SERGEF: variants seen among roughly 807,000 people sequenced by gnomAD.
SERGEF encodes the protein secretion-regulating guanine nucleotide exchange factor.
In SERGEF, 51 loss-of-function variants were observed where a neutral mutation model predicts 50.0. The ratio of observed to expected loss-of-function variants is 1.02; its 90% CI spans 0.81 to 1.29. The LOEUF (loss-of-function observed/expected upper bound fraction) is 1.29, where lower values mean the gene tolerates loss of function less well. Ranked by LOEUF, SERGEF falls within the 50% of genes most tolerant of loss-of-function variation. The pLI, the probability that SERGEF is intolerant of heterozygous loss-of-function variation, is 0.00. For synonymous variants in SERGEF, 205 were observed against 212.4 expected, an observed-to-expected ratio of 0.97 and a Z score of 0.30; for missense variants, 521 against 557.0, an observed-to-expected ratio of 0.94 and a Z score of 0.65.
chr11:17,858,944 T>A (rs1267054550), intron 10 of SERGEF, among the ~76,000 whole-genome samples: 3 of 152,044 alleles, frequency 2.0e-5, no homozygotes, highest in African/African-American at 7.2e-5. Context: ...GGAGAATAAA[T>A]ACCCTGACCT....
intron 8 of SERGEF, among the ~76,000 whole-genome samples, chr11:17,985,225 T>C (rs1196128890): frequency 4.6e-5 from 7 of 152,208 alleles, no homozygotes; most frequent in Non-Finnish European, 7.3e-5. Context: ...TTTACTTACA[T>C]ACCCCAGGCA....
intron 9 of SERGEF, among the ~76,000 whole-genome samples, chr11:17,916,637 T>C (rs1003091762): frequency 4.6e-5 from 7 of 152,196 alleles, no homozygotes; most frequent in African/African-American, 1.7e-4. Context: ...AGTGAAACTA[T>C]ATAAAGGTGT....
rs565389226 is a variant in SERGEF, at chr11:17,873,037, G to C, written c.1048+5171C>G. Among the ~76,000 whole-genome samples the C allele has an allele frequency of 5.9e-5, 9 of 152,334 alleles. No individual in the cohort carries two copies. In the South Asian group the frequency reaches 1.7e-3, roughly 28 times the overall value. ...GGTAGAAGGGTTTTGGGGAGCTAGA[G>C]AGAGGGGGATAGCATGGAAGGGAGT... is the stretch of plus-strand genomic sequence containing the variant. On this transcript the variant is annotated intron_variant, in intron 10 of 10. Transcript: ENST00000265965.
At chr11:17,799,550 C>G (rs1219514574) in intron 10 of SERGEF, among the ~76,000 whole-genome samples, 2 of 152,202 alleles carry the variant, frequency 1.3e-5, no homozygotes, top group Non-Finnish European at 2.9e-5. Flanking sequence ...TTCCTGAAGC[C>G]TGGTCACCAC....
chr11:17,810,292 A>C (rs980243452), intron 10 of SERGEF, among the ~76,000 whole-genome samples: 2 of 152,100 alleles, frequency 1.3e-5, no homozygotes, highest in Non-Finnish European at 2.9e-5. Context: ...AGGGCTTCCC[A>C]CACTCTGCCC....
chr11:17,982,340 G>A (rs954447463), intron 8 of SERGEF, among the ~76,000 whole-genome samples: 1 of 152,252 alleles, frequency 6.6e-6, no homozygotes, highest in South Asian at 2.1e-4. Context: ...AGGAATTAAG[G>A]CCAGATGATC....
chr11:17,877,962 A>G (rs758913549), intron 10 of SERGEF: 1 of 410,266 alleles, frequency 2.4e-6, no homozygotes, highest in Non-Finnish European at 4.3e-6. Context: ...ATATGCTCAA[A>G]TGCCACTTCC....
rs553767517 is a variant in SERGEF at position 17,924,827 on chromosome 11, A to G, written c.1011+34643T>C. On this transcript the variant is annotated intron_variant, in intron 9 of 10. Coordinates refer to ENST00000265965, the MANE Select transcript of SERGEF (RefSeq NM_012139.4). ...AGTGTAGGTCTATGAGTTGTAATAA[A>G]TCACCTTCCTTCCATGTTTGCTGTC... is the stretch of plus-strand genomic sequence containing the variant. Among the ~76,000 whole-genome samples, 3 of 152,090 alleles carry G rather than the reference A, an allele frequency of 2.0e-5. No homozygotes were observed. In the South Asian group the frequency reaches 6.2e-4, roughly 32 times the overall value.
chr11:17,890,895 T>C (rs1341132856), intron 9 of SERGEF, among the ~76,000 whole-genome samples: 3 of 152,142 alleles, frequency 2.0e-5, no homozygotes, highest in African/African-American at 7.2e-5. Flanking sequence ...GAAGCAAACT[T>C]GAAGGGGTTC....
intron 10 of SERGEF, among the ~76,000 whole-genome samples, chr11:17,822,655 G>A (rs1850106317): frequency 6.6e-6 from 1 of 152,022 alleles, no homozygotes; most frequent in African/African-American, 2.4e-5. Flanking sequence ...CCATCCCAAG[G>A]GCCAAGGCTC....
At chr11:17,821,723 C>T (rs1850088726) in intron 10 of SERGEF, among the ~76,000 whole-genome samples, 1 of 152,224 alleles carries the variant, frequency 6.6e-6, no homozygotes, top group South Asian at 2.1e-4. Flanking sequence ...TATATTAATT[C>T]CGTGCCAAGT....
intron 10 of SERGEF, among the ~76,000 whole-genome samples, chr11:17,812,536 G>A (rs1849894888): frequency 6.6e-6 from 1 of 152,216 alleles, no homozygotes; most frequent in Non-Finnish European, 1.5e-5. Flanking sequence ...GTTCATAGCA[G>A]GGGTGGCTGT....
At chr11:17,947,253 A>C (rs1852680726) in intron 9 of SERGEF, among the ~76,000 whole-genome samples, 1 of 152,208 alleles carries the variant, frequency 6.6e-6, no homozygotes, top group African/African-American at 2.4e-5. Flanking sequence ...TGAAATGGCA[A>C]CTGAAGTTGT....
At chr11:17,808,502 C>T (rs1849806018) in intron 10 of SERGEF, among the ~76,000 whole-genome samples, 1 of 152,206 alleles carries the variant, frequency 6.6e-6, no homozygotes. Flanking sequence ...GGAGATGATA[C>T]AAAACCACTC....
At chr11:17,992,280 A>C (rs1324458169) in intron 7 of SERGEF, among the ~76,000 whole-genome samples, 1 of 152,238 alleles carries the variant, frequency 6.6e-6, no homozygotes, top group Admixed American at 6.5e-5. Flanking sequence ...ATAGACACAC[A>C]GATTAGATAT....
intron 9 of SERGEF, among the ~76,000 whole-genome samples, chr11:17,904,906 A>C (rs1470286776): frequency 1.3e-5 from 2 of 152,350 alleles, no homozygotes; most frequent in South Asian, 2.1e-4. Flanking sequence ...CACAGGCAGA[A>C]GTTTCACCTA....
chr11:17,992,784 A>G, intron 7 of SERGEF, 147 bp downstream of exon 7: 3 of 648,162 alleles, frequency 4.6e-6, no homozygotes, highest in Non-Finnish European at 8.0e-6. Context: ...AAGGAAAAGT[A>G]ATTTGCCTAA....
intron 8 of SERGEF, among the ~76,000 whole-genome samples, chr11:17,972,506 A>G (rs939434092): frequency 6.6e-6 from 1 of 152,246 alleles, no homozygotes; most frequent in Non-Finnish European, 1.5e-5. Flanking sequence ...TAGCCATAAA[A>G]TATGTTTTAA....
intron 10 of SERGEF, among the ~76,000 whole-genome samples, chr11:17,872,612 C>CT (rs1408977666): frequency 1.3e-5 from 2 of 152,198 alleles, no homozygotes; most frequent in Admixed American, 1.3e-4. Context: ...TACATTTATA[C>CT]TTTGACACAG....
Sources: gnomAD v4.1 joint callset for allele counts (sites outside exome capture counted in the v4.1 genomes callset) on GRCh38, gnomAD v4.1.1 for gene constraint, MANE v1.5 for transcripts, NCBI Gene and HGNC (gene_info 2026-07-23, HGNC 2026-07-21) for gene names.